ADGRF5: variants seen among roughly 807,000 people sequenced by gnomAD.
The protein encoded by ADGRF5 is adhesion G protein-coupled receptor F5.
A neutral mutation model predicts 132.3 loss-of-function variants in ADGRF5; 75 were observed. That is an observed-to-expected ratio of 0.57 (90% confidence interval 0.47 to 0.69). The LOEUF (loss-of-function observed/expected upper bound fraction) is 0.69, where lower values mean the gene tolerates loss of function less well. Ranked by LOEUF, ADGRF5 falls within the 30% of genes least tolerant of loss-of-function variation. The probability of loss-of-function intolerance (pLI) is 0.00; values close to 1 mark genes in which losing one functional copy is unlikely to be tolerated. For synonymous variants in ADGRF5, 629 were observed against 597.6 expected, an observed-to-expected ratio of 1.05 and a Z score of -0.77; for missense variants, 1,516 against 1,630.6, an observed-to-expected ratio of 0.93 and a Z score of 1.21.
rs764257038 is a variant in ADGRF5, at chr6:46,865,095, T to C, written c.1937A>G (p.Asn646Ser). The C allele has an allele frequency of 3.1e-6, 5 of 1,610,856 alleles. No homozygotes were observed. The highest frequency in any genetic ancestry group is 3.3e-5 in the Admixed American group (2 of 59,966). ...KTVDVCCHFT[N>S]AANNSVWSPS... Reference sequence around the variant, plus strand: ...GCTCCAGACTGAATTATTAGCAGCATTGGTAAAGTGACAACACACATCAAC... The same window carrying C: ...GCTCCAGACTGAATTATTAGCAGCACTGGTAAAGTGACAACACACATCAAC... Residue 646 changes from asparagine (N) to serine (S), a missense_variant, in exon 14 of 21, where the codon AAT (asparagine) becomes AGT (serine). By Grantham distance (46) the Asn-to-Ser change is conservative (BLOSUM62 1). Coordinates refer to ENST00000283296, the MANE Select transcript of ADGRF5 (RefSeq NM_001098518.2).
chr6:46,930,491 G>C (rs768245708), intron 1 of ADGRF5, among the ~76,000 whole-genome samples: 1 of 151,994 alleles, frequency 6.6e-6, no homozygotes, highest in Non-Finnish European at 1.5e-5. Flanking sequence ...TGACAGTAGA[G>C]ATAACAGGAG....
intron 1 of ADGRF5, among the ~76,000 whole-genome samples, chr6:46,910,160 G>C (rs945518807): frequency 6.6e-6 from 1 of 152,098 alleles, no homozygotes; most frequent in African/African-American, 2.4e-5. Flanking sequence ...GTGGCTAGGA[G>C]CTGAGTTCGT....
At chr6:46,869,675 T>A (rs1286424597) in intron 11 of ADGRF5, among the ~76,000 whole-genome samples, 1 of 152,140 alleles carries the variant, frequency 6.6e-6, no homozygotes, top group African/African-American at 2.4e-5. Context: ...AAGAGTGAAT[T>A]CTGGAACTAC....
intron 1 of ADGRF5, among the ~76,000 whole-genome samples, chr6:46,919,607 CAGTA>C (rs1776737575): frequency 6.6e-6 from 1 of 152,132 alleles, no homozygotes; most frequent in Admixed American, 6.5e-5. Flanking sequence ...AACCCACACT[CAGTA>C]AGTGAGGCAG....
chr6:46,860,822 T>C lies in ADGRF5; in HGVS notation c.2272A>G (p.Lys758Glu). The change falls in exon 16 of 21, where the codon AAA becomes GAA. Residue 758 changes from lysine to glutamate, a missense_variant. Lys to Glu is a moderately conservative substitution (Grantham distance 56, BLOSUM62 1). This residue lies in a region of ADGRF5 where 945 missense variants were observed against 929.4 expected (regional missense o/e 1.02). Coordinates refer to ENST00000283296, the MANE Select transcript of ADGRF5 (RefSeq NM_001098518.2). ...GAAGAGCTGATTTCATGTTCCGCTT[T>C]GTCTATGCTAATAGAAAGATCCTTC... ...YLKDLSISID[K>E]AEHEISSSPG... The C allele has an allele frequency of 6.2e-7, 1 of 1,613,822 alleles. No homozygotes were observed. The highest frequency in any genetic ancestry group is 8.5e-7 in the Non-Finnish European group (1 of 1,179,694).
At chr6:46,908,974 C>A (rs1287184310) in intron 1 of ADGRF5, 1 of 152,158 alleles carries the variant, frequency 6.6e-6, no homozygotes, top group Non-Finnish European at 1.5e-5. Flanking sequence ...AGCTGAAATT[C>A]ACTTCAGCTT....
chr6:46,917,415 AAGTCAG>A (rs1776513647), intron 1 of ADGRF5, among the ~76,000 whole-genome samples: 2 of 152,180 alleles, frequency 1.3e-5, no homozygotes, highest in Non-Finnish European at 2.9e-5. Context: ...ATGGACTCTG[AAGTCAG>A]ACTGCCTGAG....
intron 1 of ADGRF5, among the ~76,000 whole-genome samples, chr6:46,948,974 A>G (rs1276144834): frequency 6.6e-6 from 1 of 152,238 alleles, no homozygotes; most frequent in Non-Finnish European, 1.5e-5. Flanking sequence ...TGCTTTGGAC[A>G]TGAGACAGTG....
chr6:46,889,535 A>G (rs1773419190), intron 3 of ADGRF5, among the ~76,000 whole-genome samples: 1 of 136,560 alleles, frequency 7.3e-6, no homozygotes, highest in African/African-American at 2.7e-5. Context: ...CTATGTTTAT[A>G]TAGACACTAT....
chr6:46,919,014 C>A (rs1776663809), intron 1 of ADGRF5, among the ~76,000 whole-genome samples: 1 of 146,582 alleles, frequency 6.8e-6, no homozygotes, highest in South Asian at 2.1e-4. Context: ...GATTCAGTTT[C>A]TCTGGCAAAG....
At position 46,862,253 on chromosome 6, in the gene ADGRF5, T is replaced by A. The variant is rs373249112; in HGVS notation, c.2199+635A>T. Reference sequence around the variant, plus strand: ...AACCTCACCAGTTGCATCACCAGAATTTTTTAATGTAATTCATGGAATTTT... The same window carrying A: ...AACCTCACCAGTTGCATCACCAGAAATTTTTAATGTAATTCATGGAATTTT... On this transcript the variant is annotated intron_variant, in intron 15 of 20. Coordinates refer to ENST00000283296, the MANE Select transcript of ADGRF5 (RefSeq NM_001098518.2). Among the ~76,000 whole-genome samples, 48 of 152,338 alleles carry A rather than the reference T, an allele frequency of 3.2e-4. No homozygotes were observed. The South Asian group carries it at 8.9e-3, about 28-fold the overall frequency.
At chr6:46,880,153 C>T in intron 8 of ADGRF5, 114 bp from the exon 9 acceptor site, 1 of 712,778 alleles carries the variant, frequency 1.4e-6, no homozygotes, top group Non-Finnish European at 2.4e-6. Context: ...ATCTGTGGTG[C>T]TGAACTGGCT....
chr6:46,864,992 A>C, intron 14 of ADGRF5, 50 bp downstream of exon 14: 1 of 1,260,384 alleles, frequency 7.9e-7, no homozygotes, highest in Admixed American at 2.0e-5. Flanking sequence ...ATAAATAAAT[A>C]AGTCCCTGCC....
chr6:46,856,825 C>G (rs1256507173), intron 18 of ADGRF5, 42 bp downstream of exon 18: 2 of 1,605,470 alleles, frequency 1.2e-6, no homozygotes, highest in Admixed American at 3.3e-5. Flanking sequence ...GCCACAAGCA[C>G]TTCAGACTTT....
upstream of ADGRF5, among the ~76,000 whole-genome samples, chr6:46,924,830 A>T (rs185203641): frequency 2.6e-4 from 39 of 152,306 alleles, no homozygotes; most frequent in African/African-American, 9.4e-4. Context: ...TGCACACTTT[A>T]CATTTAATTT....
At chr6:46,877,277 TTCTTTCTTTCTTTC>T (rs1260991604) in intron 10 of ADGRF5, among the ~76,000 whole-genome samples, 194 of 46,114 alleles carry the variant, frequency 4.2e-3, no homozygotes, top group African/African-American at 0.021. Flanking sequence ...CTTTCTTTCT[TTCTTTCTTTCTTTC>T]TCTCTCTCTC....
rs1383429932 is a variant in ADGRF5 at position 46,953,807 on chromosome 6, T to A, written c.-25+927A>T. Among the ~76,000 whole-genome samples, 4 of 151,196 alleles carry A rather than the reference T, an allele frequency of 2.6e-5. No homozygotes were observed. The East Asian group carries it at 7.8e-4, about 29-fold the overall frequency. ...AAAATACATAAGTGGTAAGAAATTA[T>A]GAGCATCGGAACTAAATAAGCTAGA... On this transcript the variant is annotated intron_variant, in intron 1 of 20. Coordinates refer to the ADGRF5 transcript ENST00000265417.
At chr6:46,950,106 C>G (rs937131445) in intron 1 of ADGRF5, among the ~76,000 whole-genome samples, 1 of 152,140 alleles carries the variant, frequency 6.6e-6, no homozygotes, top group African/African-American at 2.4e-5. Context: ...CGGGAAGGGA[C>G]CTTTGAGGTC....
intron 1 of ADGRF5, among the ~76,000 whole-genome samples, chr6:46,928,272 C>T (rs1168042169): frequency 6.6e-6 from 1 of 152,162 alleles, no homozygotes; most frequent in Non-Finnish European, 1.5e-5. Context: ...ACCCATAGAA[C>T]TGCCACATTC....
Sources: allele counts gnomAD v4.1 joint callset (sites outside exome capture counted in the v4.1 genomes callset), GRCh38; gene constraint gnomAD v4.1.1; regional missense constraint gnomAD v4.1.1; transcripts MANE v1.5; gene names NCBI Gene and HGNC (gene_info 2026-07-23, HGNC 2026-07-21).